MAGI2: variants seen among roughly 807,000 people sequenced by gnomAD.
The protein encoded by MAGI2 is membrane-associated guanylate kinase, WW and PDZ domain-containing protein 2.
MAGI2 carries 35 observed loss-of-function variants against 133.3 expected under a neutral mutation model. The observed-to-expected ratio is 0.26, with a 90% confidence interval of 0.20 to 0.35. The LOEUF (loss-of-function observed/expected upper bound fraction) is 0.35. Among genes scored for constraint, MAGI2 ranks in the 10% least tolerant of loss-of-function variants. The pLI, the probability that MAGI2 is intolerant of heterozygous loss-of-function variation, is 1.00. For missense variants in MAGI2, 1,636 were observed against 1,863.4 expected (o/e 0.88, Z 2.25); for synonymous variants, 729 against 710.6 (o/e 1.03, Z -0.41).
chr7:79,034,213 G>T lies in MAGI2; in HGVS notation c.302-27007C>A, dbSNP rs368853048. 1.9e-3 allele frequency among the ~76,000 whole-genome samples: 286 copies of T among 151,748 alleles called. 5 individuals are homozygous for T. In the East Asian group the frequency reaches 0.036, roughly 19 times the overall value. Reference sequence around the variant, plus strand: ...GGCTGATGATATTGCATAAATGTTGGTTTTTTTTACCATTTCCTTTCCTTT... The same window carrying T: ...GGCTGATGATATTGCATAAATGTTGTTTTTTTTTACCATTTCCTTTCCTTT... On this transcript the variant is annotated intron_variant, in intron 1 of 21. Transcript: ENST00000354212.
intron 1 of MAGI2, among the ~76,000 whole-genome samples, chr7:79,428,616 T>C (rs1451636872): frequency 6.6e-6 from 1 of 152,168 alleles, no homozygotes; most frequent in Non-Finnish European, 1.5e-5. Context: ...GTAAAAATAT[T>C]TTAATTTCAA....
At chr7:78,781,214 TA>T (rs1826366473) in intron 2 of MAGI2, among the ~76,000 whole-genome samples, 1 of 151,100 alleles carries the variant, frequency 6.6e-6, no homozygotes, top group South Asian at 2.1e-4. Context: ...CCGTCTTTAC[TA>T]AAAAATACAA....
chr7:79,185,778 T>A (rs902560002), intron 1 of MAGI2, among the ~76,000 whole-genome samples: 18 of 151,730 alleles, frequency 1.2e-4, no homozygotes, highest in African/African-American at 4.4e-4. Context: ...TATGGATTCT[T>A]CTTAAATGAG....
rs993342565 is a variant in MAGI2 at position 79,322,798 on chromosome 7, A to C, written c.301+130222T>G. On this transcript the variant is annotated intron_variant, in intron 1 of 21. Coordinates refer to ENST00000354212, the MANE Select transcript of MAGI2 (RefSeq NM_012301.4). ...CTGTCTCAAAAAAAAAAAAAAGAAA[A>C]AGAAAAAGAAAAAGAAGTCCTATGT... is the stretch of plus-strand genomic sequence containing the variant. 2.0e-5 allele frequency among the ~76,000 whole-genome samples: 3 copies of C among 151,482 alleles called. 1 individual carries two copies. The highest frequency in any genetic ancestry group is 1.3e-4 in the Admixed American group (2 of 15,180).
chr7:78,354,799 G>C (rs1791895974), intron 7 of MAGI2, among the ~76,000 whole-genome samples: 1 of 152,148 alleles, frequency 6.6e-6, no homozygotes, highest in Middle Eastern at 3.2e-3. Context: ...ACGAGTTTTA[G>C]GGAGAAAAGG....
chr7:78,621,126 G>A (rs182027976), intron 3 of MAGI2, among the ~76,000 whole-genome samples: 32 of 152,120 alleles, frequency 2.1e-4, no homozygotes, highest in African/African-American at 7.5e-4. Flanking sequence ...CCAAAGACCT[G>A]TCTTCCTTGC....
intron 21 of MAGI2, among the ~76,000 whole-genome samples, chr7:78,029,805 CTG>C (rs774330944): frequency 7.2e-5 from 11 of 152,348 alleles, no homozygotes; most frequent in Non-Finnish European, 1.6e-4. Context: ...GCTCACTAGC[CTG>C]TGTTTTTAAG....
chr7:79,099,272 A>T (rs1042957972), intron 1 of MAGI2, among the ~76,000 whole-genome samples: 1 of 152,138 alleles, frequency 6.6e-6, no homozygotes, highest in Non-Finnish European at 1.5e-5. Flanking sequence ...AAAGAATACA[A>T]ATATTGAGTA....
At chr7:78,079,997 C>T (rs1815777275) in intron 20 of MAGI2, among the ~76,000 whole-genome samples, 1 of 152,176 alleles carries the variant, frequency 6.6e-6, no homozygotes, top group Non-Finnish European at 1.5e-5. Flanking sequence ...TGCAAAAATG[C>T]TATTTTAGTT....
chr7:79,241,447 C>T (rs982913145), intron 1 of MAGI2, among the ~76,000 whole-genome samples: 1 of 152,038 alleles, frequency 6.6e-6, no homozygotes, highest in African/African-American at 2.4e-5. Context: ...GCCAAGTTAA[C>T]CACAGGAGGA....
intron 6 of MAGI2, among the ~76,000 whole-genome samples, chr7:78,423,977 T>C (rs2151414460): frequency 6.6e-6 from 1 of 152,274 alleles, no homozygotes; most frequent in East Asian, 1.9e-4. Context: ...TGAGGCGAAA[T>C]TGAAGCCAGC....
intron 2 of MAGI2, among the ~76,000 whole-genome samples, chr7:78,734,193 G>A (rs947553723): frequency 2.0e-5 from 3 of 152,112 alleles, no homozygotes; most frequent in African/African-American, 7.2e-5. Flanking sequence ...CTCAATACAG[G>A]CATCAAATAT....
chr7:78,488,547 C>CAT (rs5885071), intron 6 of MAGI2, among the ~76,000 whole-genome samples: 50,441 of 151,580 alleles, frequency 0.33, 8,934 homozygotes, highest in African/African-American at 0.45. Flanking sequence ...TTTTGTAACA[C>CAT]GTTTCATTGG....
intron 6 of MAGI2, among the ~76,000 whole-genome samples, chr7:78,471,827 AG>A (rs951724314): frequency 2.0e-5 from 3 of 152,150 alleles, no homozygotes; most frequent in East Asian, 3.9e-4. Flanking sequence ...CAGGAGGCTG[AG>A]GCAGGAGAAT....
chr7:78,995,066 A>G (rs1266038798), intron 2 of MAGI2, among the ~76,000 whole-genome samples: 1 of 152,126 alleles, frequency 6.6e-6, no homozygotes, highest in Non-Finnish European at 1.5e-5. Flanking sequence ...AAAAAATAAA[A>G]TAAAAGGTTT....
At chr7:78,972,821 A>G (rs1278093929) in intron 2 of MAGI2, among the ~76,000 whole-genome samples, 1 of 151,978 alleles carries the variant, frequency 6.6e-6, no homozygotes, top group African/African-American at 2.4e-5. Flanking sequence ...TATTCATAAA[A>G]ATATCTTTTT....
intron 3 of MAGI2, among the ~76,000 whole-genome samples, chr7:78,532,702 A>T (rs1443727418): frequency 6.6e-6 from 1 of 152,252 alleles, no homozygotes; most frequent in East Asian, 1.9e-4. Flanking sequence ...GCAGCAATTT[A>T]GATGTAAGTA....
intron 1 of MAGI2, among the ~76,000 whole-genome samples, chr7:79,380,451 C>T (rs1208307005): frequency 6.6e-6 from 1 of 151,736 alleles, no homozygotes; most frequent in Non-Finnish European, 1.5e-5. Flanking sequence ...GGACGATGCA[C>T]ATTACAGAAT....
intron 14 of MAGI2, among the ~76,000 whole-genome samples, chr7:78,173,181 T>C (rs1826271844): frequency 6.6e-6 from 1 of 152,164 alleles, no homozygotes; most frequent in African/African-American, 2.4e-5. Flanking sequence ...TATTCAGAAG[T>C]GATAGGAACC....
Sources: gnomAD v4.1 joint callset for allele counts (sites outside exome capture counted in the v4.1 genomes callset) on GRCh38, gnomAD v4.1.1 for gene constraint, MANE v1.5 for transcripts, NCBI Gene and HGNC (gene_info 2026-07-23, HGNC 2026-07-21) for gene names.